The following WDR86 variants were observed in gnomAD, a reference collection of about 807,000 sequenced individuals.
The protein encoded by WDR86 is WD repeat-containing protein 86.
WDR86 carries 30 observed loss-of-function variants against 36.5 expected under a neutral mutation model. That is an observed-to-expected ratio of 0.82 (90% CI 0.61 to 1.11). The LOEUF (loss-of-function observed/expected upper bound fraction) is 1.11. Ranked by LOEUF, WDR86 falls within the 50% of genes most tolerant of loss-of-function variation. The probability of loss-of-function intolerance (pLI) is 0.00; values close to 1 mark genes in which losing one functional copy is unlikely to be tolerated. For synonymous variants in WDR86, 255 were observed against 252.9 expected (o/e 1.01, Z -0.08); for missense variants, 545 against 561.2 (o/e 0.97, Z 0.29).
chr7:151,372,466 G>A (rs550892586), downstream of WDR86, among the ~76,000 whole-genome samples: 4 of 152,348 alleles, frequency 2.6e-5, no homozygotes, highest in African/African-American at 9.6e-5. Context: ...GTGCTTGGAT[G>A]TTAGGTGCGC....
At chr7:151,373,419 G>A (rs1305064007), downstream of WDR86, among the ~76,000 whole-genome samples, 2 of 152,154 alleles carry the variant, frequency 1.3e-5, no homozygotes, top group Non-Finnish European at 2.9e-5. Flanking sequence ...GGTGGGAGAG[G>A]TGAAGAGACT....
In WDR86 at chr7:151,406,032, T is replaced by A. The variant is rs1241339220; in HGVS notation, c.163+3395A>T. Reference sequence around the variant, plus strand: ...TAAGGAGATATTCAATGAATAAACCTGAAAAAGAGGAGGTCAGGGATAAGC... The same window carrying A: ...TAAGGAGATATTCAATGAATAAACCAGAAAAAGAGGAGGTCAGGGATAAGC... On this transcript the variant is annotated intron_variant, in intron 1 of 5. Coordinates refer to ENST00000334493, the MANE Select transcript of WDR86 (RefSeq NM_198285.3). This position sits in a 1 kb window ranked among gnomAD's most constrained non-coding sequence, Gnocchi z 4.4. 6.6e-6 allele frequency among the ~76,000 whole-genome samples: 1 copy of A among 152,170 alleles called. No homozygotes were observed. The highest frequency in any genetic ancestry group is 6.5e-5 in the Admixed American group (1 of 15,280).
At chr7:151,402,840 G>A (rs1396216069) in intron 1 of WDR86, among the ~76,000 whole-genome samples, 1 of 152,200 alleles carries the variant, frequency 6.6e-6, no homozygotes, top group Non-Finnish European at 1.5e-5. Flanking sequence ...TATGCCTCAG[G>A]CATTGCTTAG....
At chr7:151,407,498 C>G (rs1219923912) in intron 1 of WDR86, among the ~76,000 whole-genome samples, 5 of 152,178 alleles carry the variant, frequency 3.3e-5, no homozygotes, top group African/African-American at 1.2e-4. Flanking sequence ...AGCCCAGGGG[C>G]TCCCGGGGCC....
downstream of WDR86, among the ~76,000 whole-genome samples, chr7:151,374,879 G>A (rs918668915): frequency 4.6e-5 from 7 of 152,208 alleles, no homozygotes; most frequent in East Asian, 7.7e-4. Flanking sequence ...CAGAGCACAC[G>A]TGGTGAGGGG....
At chr7:151,376,086 C>A in exon 2 of WDR86, 1 of 651,374 alleles carries the variant, frequency 1.5e-6, no homozygotes, top group Admixed American at 2.2e-5. Context: ...CTGCCCACCT[C>A]AGAGGCCACC....
At chr7:151,379,511 CTGGAAGG>C (rs1798456409), downstream of WDR86, among the ~76,000 whole-genome samples, 1 of 152,146 alleles carries the variant, frequency 6.6e-6, no homozygotes, top group African/African-American at 2.4e-5. Context: ...AGTGGTGTGG[CTGGAAGG>C]GAACCAGGCC....
At chr7:151,404,696 G>T (rs1415087114) in intron 1 of WDR86, among the ~76,000 whole-genome samples, 2 of 152,236 alleles carry the variant, frequency 1.3e-5, no homozygotes, top group Non-Finnish European at 2.9e-5. Context: ...CTGAAGGGAT[G>T]AAGAATGCAG....
At chr7:151,407,887 T>C (rs35791656) in intron 1 of WDR86, among the ~76,000 whole-genome samples, 56,249 of 151,946 alleles carry the variant, frequency 0.37, 11,932 homozygotes, top group African/African-American at 0.57. Flanking sequence ...GCCCTATTCA[T>C]GGAGGACTGC....
At chr7:151,378,868 A>G (rs1798434195), downstream of WDR86, among the ~76,000 whole-genome samples, 2 of 152,230 alleles carry the variant, frequency 1.3e-5, no homozygotes, top group South Asian at 4.1e-4. Flanking sequence ...ATGCCACACC[A>G]GCAGGCCCCA....
At chr7:151,375,793 C>G (rs192595893), downstream of WDR86, 11,400 of 1,186,768 alleles carry the variant, frequency 9.6e-3, 82 homozygotes, top group Non-Finnish European at 0.011. Context: ...CAGCGCCTGT[C>G]TGAATGTGTG....
downstream of WDR86, chr7:151,380,998 A>G (rs1176103146): frequency 1.7e-5 from 6 of 344,384 alleles, no homozygotes; most frequent in African/African-American, 8.6e-5. Context: ...AGTCACCCCC[A>G]AGGCTGCCCA....
Position 151,388,515 on chromosome 7 carries a change from G to C in WDR86, c.727-3292C>G, listed in dbSNP as rs766949991. Reference sequence around the variant, plus strand: ...TTTTTGACCTTGGGTTTGTCGCTTAGAAGCAGGTCCTCACACCATCTCTGG... The same window carrying C: ...TTTTTGACCTTGGGTTTGTCGCTTACAAGCAGGTCCTCACACCATCTCTGG... On this transcript the variant is annotated intron_variant, in intron 3 of 5. Transcript: ENST00000334493. This position sits in a 1 kb window ranked among gnomAD's most constrained non-coding sequence, Gnocchi z 4.2. 9.2e-5 allele frequency among the ~76,000 whole-genome samples: 14 copies of C among 152,182 alleles called. No individual in the cohort carries two copies. The highest frequency in any genetic ancestry group is 1.6e-4 in the Non-Finnish European group (11 of 68,028).
At chr7:151,394,070 A>G (rs1456645227) in intron 3 of WDR86, among the ~76,000 whole-genome samples, 1 of 151,992 alleles carries the variant, frequency 6.6e-6, no homozygotes, top group Non-Finnish European at 1.5e-5. Flanking sequence ...GCCAAGGGAA[A>G]CCTGTGCGGA....
rs1800645152 is a variant in WDR86, at chr7:151,405,510, G to A, written c.163+3917C>T. Among the ~76,000 whole-genome samples the A allele has an allele frequency of 6.6e-6, 1 of 152,230 alleles. No individual in the cohort carries two copies. The highest frequency in any genetic ancestry group is 2.4e-5 in the African/African-American group (1 of 41,454). ...GGTAGAACCCAGTTTCGAGGGTGCT[G>A]GGACCCTGAGGCAGGTGACATCTGG... On this transcript the variant is annotated intron_variant, in intron 1 of 5. Transcript: ENST00000334493. The surrounding 1 kb of genome is among the most constrained non-coding windows in gnomAD (Gnocchi z 4.7).
Position 151,409,065 on chromosome 7 carries a change from G to A in WDR86, c.163+362C>T. Reference sequence around the variant, plus strand: ...AGGCCACAAGGCACCTAGAGACAAGGGAAGGTTTGCTTAGAAGGAGTATAG... The same window carrying A: ...AGGCCACAAGGCACCTAGAGACAAGAGAAGGTTTGCTTAGAAGGAGTATAG... On this transcript the variant is annotated intron_variant, in intron 1 of 5. Coordinates refer to ENST00000334493, the MANE Select transcript of WDR86 (RefSeq NM_198285.3). This position sits in a 1 kb window ranked among gnomAD's most constrained non-coding sequence, Gnocchi z 5.2. 1 of 530,248 alleles carries A rather than the reference G, an allele frequency of 1.9e-6. No individual in the cohort carries two copies. The highest frequency in any genetic ancestry group is 3.8e-6 in the Non-Finnish European group (1 of 266,052). The allele number at this position is 530,248 out of a possible 1,614,324, so 32.8% of individuals were successfully genotyped here. A position where few individuals can be genotyped will look rare whatever the true frequency, so the allele number is the denominator to read the frequency against.
rs1800311678 is a variant in WDR86, at chr7:151,401,785, C to T, written c.164-1544G>A. 6.6e-6 allele frequency among the ~76,000 whole-genome samples: 1 copy of T among 151,880 alleles called. No homozygotes were observed. Among genetic ancestry groups the T allele is most frequent in the African/African-American group, 2.4e-5 (1 of 41,292 alleles). On this transcript the variant is annotated intron_variant, in intron 1 of 5. Transcript: ENST00000334493. The surrounding 1 kb of genome is among the most constrained non-coding windows in gnomAD (Gnocchi z 4.3). Reference sequence around the variant, plus strand: ...CCGCAAGTGGCCAGGCGCGGTGGCTCACGCCTGTAATTCCAGCACTTTGGG... The same window carrying T: ...CCGCAAGTGGCCAGGCGCGGTGGCTTACGCCTGTAATTCCAGCACTTTGGG...
At chr7:151,371,691 G>A (rs890597108), downstream of WDR86, among the ~76,000 whole-genome samples, 4 of 152,296 alleles carry the variant, frequency 2.6e-5, no homozygotes, top group East Asian at 3.9e-4. Flanking sequence ...TGCTGCCCTC[G>A]GAGTTCCAAC....
In WDR86 at chr7:151,409,723, C is replaced by G; in HGVS notation, c.-134G>C. 2.3e-6 allele frequency: 3 copies of G among 1,293,708 alleles called. No individual in the cohort carries two copies. The South Asian group carries it at 7.5e-5, about 32-fold the overall frequency. The allele number at this position is 1,293,708 out of a possible 1,614,324, so 80.1% of individuals were successfully genotyped here. A position where few individuals can be genotyped will look rare whatever the true frequency, so the allele number is the denominator to read the frequency against. On this transcript the variant is annotated 5_prime_UTR_variant, in exon 1 of 6. Coordinates refer to ENST00000334493, the MANE Select transcript of WDR86 (RefSeq NM_198285.3). This position sits in a 1 kb window ranked among gnomAD's most constrained non-coding sequence, Gnocchi z 5.2. ...ACGGGGAGCCCGACTCCTGCGGAGG[C>G]ACGCGGCGAGGGGAGGGTGAAGGAC...
Sources: allele counts gnomAD v4.1 joint callset (sites outside exome capture counted in the v4.1 genomes callset), GRCh38; gene constraint gnomAD v4.1.1; non-coding constraint Gnocchi (gnomAD v3.1); transcripts MANE v1.5; gene names NCBI Gene and HGNC (gene_info 2026-07-23, HGNC 2026-07-21).